The following FGF12 variants were observed in gnomAD, a reference collection of about 807,000 sequenced individuals.
FGF12 encodes fibroblast growth factor 12.
FGF12 carries 14 observed loss-of-function variants against 23.6 expected under a neutral mutation model. The observed-to-expected ratio is 0.59, with a 90% CI of 0.39 to 0.93. The LOEUF is 0.93. FGF12 is among the 40% of genes least tolerant of loss of function. The pLI is 0.00. For synonymous variants in FGF12, 62 were observed against 77.3 expected, an observed-to-expected ratio of 0.80 and a Z score of 1.04; for missense variants, 175 against 217.8, an observed-to-expected ratio of 0.80 and a Z score of 1.24.
At chr3:192,649,716 C>T (rs1716143895) in intron 2 of FGF12, among the ~76,000 whole-genome samples, 2 of 134,280 alleles carry the variant, frequency 1.5e-5, no homozygotes, top group Admixed American at 7.4e-5. Flanking sequence ...CCGTCACATG[C>T]CTGGCTAATT....
At chr3:192,535,821 A>C (rs1276048307) in intron 2 of FGF12, among the ~76,000 whole-genome samples, 1 of 152,212 alleles carries the variant, frequency 6.6e-6, no homozygotes, top group African/African-American at 2.4e-5. Flanking sequence ...TCTGAGATAC[A>C]TAAACATACA....
intron 2 of FGF12, among the ~76,000 whole-genome samples, chr3:192,625,073 C>T (rs1012879926): frequency 4.6e-5 from 7 of 152,020 alleles, no homozygotes; most frequent in African/African-American, 1.7e-4. Flanking sequence ...ATAGATGTGC[C>T]ATCATTTAGT....
intron 2 of FGF12, among the ~76,000 whole-genome samples, chr3:192,622,019 A>G (rs1040169520): frequency 2.6e-5 from 4 of 152,182 alleles, no homozygotes; most frequent in African/African-American, 9.7e-5. Flanking sequence ...CCACTGAGGA[A>G]AAGGCCTCTT....
At chr3:192,394,870 G>A (rs1488522045) in intron 2 of FGF12, among the ~76,000 whole-genome samples, 1 of 152,176 alleles carries the variant, frequency 6.6e-6, no homozygotes, top group Non-Finnish European at 1.5e-5. Flanking sequence ...AGGTAATCAA[G>A]AGTTGACAGA....
chr3:192,318,000 G>A (rs1716319507), intron 4 of FGF12, among the ~76,000 whole-genome samples: 1 of 152,214 alleles, frequency 6.6e-6, no homozygotes, highest in Non-Finnish European at 1.5e-5. Flanking sequence ...GGTACCTCTT[G>A]TGAGTCTACA....
rs181522752 is a variant in FGF12 at position 192,529,680 on chromosome 3, G to A, written c.14-169142C>T. Among the ~76,000 whole-genome samples the A allele has an allele frequency of 4.3e-4, 65 of 152,224 alleles. 1 individual carries two copies. Among genetic ancestry groups the A allele is most frequent in the African/African-American group, 1.5e-3 (61 of 41,534 alleles). ...ATGGACTTATGGTTCCACCTGGCTCGGGGGGCATCACAATCAAGGCAGAAG... is the reference window on the plus strand; with the variant it reads ...ATGGACTTATGGTTCCACCTGGCTCAGGGGGCATCACAATCAAGGCAGAAG... On this transcript the variant is annotated intron_variant, in intron 2 of 5. Transcript: ENST00000445105.
chr3:192,214,629 C>T lies in FGF12; in HGVS notation c.229-43973G>A, dbSNP rs142073960. ...AGTTTCAGTTGTTATGATGAAGCAA[C>T]TTACCCACGAGCAGAAATAAGCATG... On this transcript the variant is annotated intron_variant, in intron 4 of 5. Transcript: ENST00000445105. Among the ~76,000 whole-genome samples the T allele has an allele frequency of 5.3e-3, 802 of 152,318 alleles. 9 individuals are homozygous for T. The highest frequency in any genetic ancestry group is 0.014 in the Middle Eastern group (4 of 294).
chr3:192,627,154 C>T (rs61304816), intron 2 of FGF12, among the ~76,000 whole-genome samples: 275 of 152,156 alleles, frequency 1.8e-3, no homozygotes, highest in African/African-American at 6.3e-3. Context: ...AGAGGTTTAG[C>T]AATTCACCCA....
chr3:192,698,501 C>T (rs1385036981), intron 2 of FGF12, among the ~76,000 whole-genome samples: 1 of 152,064 alleles, frequency 6.6e-6, no homozygotes, highest in African/African-American at 2.4e-5. Context: ...TGGCTGTATA[C>T]ACAACAACAA....
intron 2 of FGF12, among the ~76,000 whole-genome samples, chr3:192,599,611 G>C (rs528684561): frequency 6.6e-6 from 1 of 152,068 alleles, no homozygotes; most frequent in East Asian, 1.9e-4. Context: ...AAGGATGAGA[G>C]TAATTATAAT....
At chr3:192,400,194 A>G (rs1390130549) in intron 2 of FGF12, among the ~76,000 whole-genome samples, 1 of 152,176 alleles carries the variant, frequency 6.6e-6, no homozygotes. Context: ...ATAACTAACA[A>G]TAGGCAGAAA....
chr3:192,141,981 C>T lies in FGF12; in HGVS notation c.*2028G>A, dbSNP rs1713418496. The T allele has an allele frequency of 6.6e-6, 1 of 150,658 alleles. No homozygotes were observed. Among genetic ancestry groups the T allele is most frequent in the Non-Finnish European group, 1.5e-5 (1 of 67,618 alleles). 9.3% of individuals were successfully genotyped at this position (150,658 alleles called of 1,614,324 possible). A position where few individuals can be genotyped will look rare whatever the true frequency, so the allele number is the denominator to read the frequency against. ...AGGTGTATTTATAATCAAGTTGAAT[C>T]AAGAGTGACAAGAAGAAATACAGCT... On this transcript the variant is annotated 3_prime_UTR_variant, in exon 6 of 6. Transcript: ENST00000445105.
chr3:192,724,922 C>T (rs73195171), intron 2 of FGF12, among the ~76,000 whole-genome samples: 10,819 of 152,108 alleles, frequency 0.071, 586 homozygotes, highest in Non-Finnish European at 0.11. Context: ...AACTGAGTCA[C>T]GCAATATGAC....
At chr3:192,274,441 T>C (rs183262927) in intron 4 of FGF12, among the ~76,000 whole-genome samples, 5 of 152,296 alleles carry the variant, frequency 3.3e-5, no homozygotes, top group African/African-American at 1.2e-4. Flanking sequence ...ACTATACCTA[T>C]TAACACACTT....
chr3:192,253,314 A>G (rs1382741478), intron 4 of FGF12, among the ~76,000 whole-genome samples: 1 of 152,080 alleles, frequency 6.6e-6, no homozygotes, highest in Non-Finnish European at 1.5e-5. Context: ...CCTATTAAAG[A>G]AAAGGGAAAG....
chr3:192,464,923 G>A (rs1560119258), intron 2 of FGF12, among the ~76,000 whole-genome samples: 2 of 152,178 alleles, frequency 1.3e-5, no homozygotes, highest in Non-Finnish European at 2.9e-5. Context: ...ATCAAGTGGA[G>A]GAGAAGTTCC....
chr3:192,329,959 AT>A (rs1480646396), intron 4 of FGF12, among the ~76,000 whole-genome samples: 1 of 152,108 alleles, frequency 6.6e-6, no homozygotes, highest in African/African-American at 2.4e-5. Flanking sequence ...AGAACTTTTT[AT>A]TTACTCTATT....
intron 4 of FGF12, among the ~76,000 whole-genome samples, chr3:192,201,494 T>C (rs1019937116): frequency 3.3e-5 from 5 of 152,212 alleles, no homozygotes; most frequent in South Asian, 2.1e-4. Context: ...GACATTATCC[T>C]CACCACATCT....
chr3:192,357,113 G>A lies in FGF12; in HGVS notation c.124+3315C>T, dbSNP rs561252891. 3.9e-5 allele frequency among the ~76,000 whole-genome samples: 6 copies of A among 152,262 alleles called. No homozygotes were observed. In the East Asian group the frequency reaches 1.2e-3, roughly 29 times the overall value. On this transcript the variant is annotated intron_variant, in intron 3 of 5. Transcript: ENST00000445105. ...ACGTAACATGGTACCATTAGTAGAA[G>A]CTGGGTAAAAAGTATAAAGGAATTC...
Sources: allele counts gnomAD v4.1 joint callset (sites outside exome capture counted in the v4.1 genomes callset), GRCh38; gene constraint gnomAD v4.1.1; transcripts MANE v1.5; gene names NCBI Gene and HGNC (gene_info 2026-07-23, HGNC 2026-07-21).